CUX1: variants seen among roughly 807,000 people sequenced by gnomAD.
CUX1 encodes protein CASP.
Under a neutral mutation model 158.8 loss-of-function variants are expected in CUX1, and 31 were observed. That is an observed-to-expected ratio of 0.20 (90% CI 0.15 to 0.26). The LOEUF (loss-of-function observed/expected upper bound fraction) is 0.26. CUX1 is among the 10% of genes least tolerant of loss of function. The probability of loss-of-function intolerance (pLI) is 1.00; values close to 1 mark genes in which losing one functional copy is unlikely to be tolerated. For missense variants in CUX1, 1,589 were observed against 2,014.6 expected, an observed-to-expected ratio of 0.79 and a Z score of 4.04; for synonymous variants, 879 against 862.1, an observed-to-expected ratio of 1.02 and a Z score of -0.34.
Position 102,178,577 on chromosome 7 carries a change from C to T in CUX1, c.937C>T (p.Leu313Phe), listed in dbSNP as rs782261753. 4 of 1,612,536 alleles carry T rather than the reference C, an allele frequency of 2.5e-6. No individual in the cohort carries two copies. In the East Asian group the frequency reaches 8.9e-5, roughly 36 times the overall value. The change falls in exon 11 of 24, where the codon CTC (leucine) becomes TTC (phenylalanine). Residue 313 changes from leucine (L) to phenylalanine (F), a missense_variant. Transcript: ENST00000292535. ...VEDVQRLQAS[L>F]TKLRENSASQ... ...GGACGTGCAGAGACTCCAGGCCAGC[C>T]TCACCAAGCTGCGGGAGAATTCGGC...
rs190742823 is a variant in CUX1, at chr7:102,010,276, C to T, written c.142-17822C>T. Among the ~76,000 whole-genome samples the T allele has an allele frequency of 8.8e-4, 134 of 151,810 alleles. 1 individual carries two copies. Among genetic ancestry groups the T allele is most frequent in the African/African-American group, 2.9e-3 (120 of 41,408 alleles). On this transcript the variant is annotated intron_variant, in intron 2 of 23. Transcript: ENST00000292535. ...CAGGCATGGTGGTGAGTGCCTGTAG[C>T]CCCAGCTACTCAGGAGGCTGAAGCA...
intron 1 of CUX1, among the ~76,000 whole-genome samples, chr7:101,873,958 A>T (rs944756501): frequency 1.3e-5 from 2 of 152,250 alleles, no homozygotes; most frequent in Non-Finnish European, 2.9e-5. Context: ...TATCTACAGG[A>T]AAATGAACAC....
intron 8 of CUX1, among the ~76,000 whole-genome samples, chr7:102,140,270 A>G (rs1834300585): frequency 2.0e-5 from 3 of 152,124 alleles, no homozygotes; most frequent in Non-Finnish European, 2.9e-5. Flanking sequence ...TTTTGGAGAC[A>G]GAGTCTTGCT....
At chr7:101,973,385 T>C (rs992533380) in intron 2 of CUX1, among the ~76,000 whole-genome samples, 1 of 152,210 alleles carries the variant, frequency 6.6e-6, no homozygotes, top group Non-Finnish European at 1.5e-5. Flanking sequence ...TTTCCACCAC[T>C]GCCCCCCAGC....
chr7:101,988,950 A>G (rs937231172), intron 2 of CUX1, among the ~76,000 whole-genome samples: 1 of 151,994 alleles, frequency 6.6e-6, no homozygotes, highest in African/African-American at 2.4e-5. Flanking sequence ...AGTAAGCTAT[A>G]ATCGTGCCAT....
intron 2 of CUX1, among the ~76,000 whole-genome samples, chr7:101,981,192 C>G (rs1381769298): frequency 1.3e-5 from 2 of 152,034 alleles, no homozygotes; most frequent in East Asian, 3.9e-4. Flanking sequence ...TGTCCCCGGC[C>G]CCCTCCTCCC....
chr7:101,910,729 C>T (rs1469651553), intron 1 of CUX1, among the ~76,000 whole-genome samples: 1 of 145,824 alleles, frequency 6.9e-6, no homozygotes, highest in Non-Finnish European at 1.5e-5. Flanking sequence ...CCTGGGCGAC[C>T]GAGCAAGACT....
At chr7:101,975,059 C>T (rs981070098) in intron 2 of CUX1, among the ~76,000 whole-genome samples, 3 of 151,764 alleles carry the variant, frequency 2.0e-5, no homozygotes, top group African/African-American at 7.3e-5. Flanking sequence ...ACCAGCCTGG[C>T]CAACATGGCA....
intron 17 of CUX1, among the ~76,000 whole-genome samples, chr7:102,277,549 T>C (rs928539148): frequency 4.6e-5 from 7 of 151,896 alleles, no homozygotes; most frequent in Admixed American, 1.3e-4. Flanking sequence ...TGAGCCGAGA[T>C]TGATTGCGTC....
intron 2 of CUX1, among the ~76,000 whole-genome samples, chr7:101,921,440 TTTTATTTATTTA>T (rs61205066): frequency 3.3e-5 from 5 of 149,994 alleles, no homozygotes; most frequent in African/African-American, 7.4e-5. Flanking sequence ...TTTTATTTTA[TTTTATTTATTTA>T]TTTATTTATT....
chr7:101,901,190 C>T (rs1471507833), intron 1 of CUX1, among the ~76,000 whole-genome samples: 1 of 152,038 alleles, frequency 6.6e-6, no homozygotes, highest in Admixed American at 6.6e-5. Flanking sequence ...CAGTAATGCC[C>T]CTGGGTAGGG....
intron 1 of CUX1, among the ~76,000 whole-genome samples, chr7:101,864,257 C>T (rs1225310977): frequency 6.6e-6 from 1 of 151,516 alleles, no homozygotes; most frequent in Non-Finnish European, 1.5e-5. Flanking sequence ...ACCTCCTAGG[C>T]TCAATCAATC....
chr7:102,103,276 C>T (rs1829976822), intron 5 of CUX1, among the ~76,000 whole-genome samples: 1 of 152,196 alleles, frequency 6.6e-6, no homozygotes, highest in Non-Finnish European at 1.5e-5. Context: ...TGGGTCCCTT[C>T]CAGCCCACTC....
chr7:102,029,367 G>A (rs1474361836), intron 3 of CUX1, among the ~76,000 whole-genome samples: 1 of 152,020 alleles, frequency 6.6e-6, no homozygotes, highest in Non-Finnish European at 1.5e-5. Context: ...ATGGCCGTGA[G>A]ATACAGGAGA....
At chr7:102,179,989 G>T (rs1792851179) in intron 11 of CUX1, among the ~76,000 whole-genome samples, 1 of 152,210 alleles carries the variant, frequency 6.6e-6, no homozygotes, top group African/African-American at 2.4e-5. Flanking sequence ...GTAGTCCTAG[G>T]ATGTACTTAG....
intron 4 of CUX1, among the ~76,000 whole-genome samples, chr7:102,071,030 A>C (rs553696610): frequency 6.6e-6 from 1 of 152,022 alleles, no homozygotes; most frequent in Non-Finnish European, 1.5e-5. Flanking sequence ...ATCTCCGCTC[A>C]CTGCAACCTG....
At position 102,252,077 on chromosome 7, in the gene CUX1, A is replaced by G; in HGVS notation, c.*3035A>G. The G allele has an allele frequency of 1.0e-6, 1 of 985,386 alleles. No individual in the cohort carries two copies. Among genetic ancestry groups the G allele is most frequent in the Non-Finnish European group, 1.2e-6 (1 of 829,916 alleles). The allele number at this position is 985,386 out of a possible 1,614,324, so 61.0% of individuals were successfully genotyped here. A position where few individuals can be genotyped will look rare whatever the true frequency, so the allele number is the denominator to read the frequency against. Reference sequence around the variant, plus strand: ...TGGTGCCAGATACAATCAGTTGGTTAAATTTTGCTTGCAGTTCTGTGTATT... The same window carrying G: ...TGGTGCCAGATACAATCAGTTGGTTGAATTTTGCTTGCAGTTCTGTGTATT... On this transcript the variant is annotated 3_prime_UTR_variant, in exon 24 of 24. Coordinates refer to ENST00000292535, the MANE Select transcript of CUX1 (RefSeq NM_181552.4).
intron 11 of CUX1, among the ~76,000 whole-genome samples, chr7:102,183,387 C>G (rs151335297): frequency 0.017 from 2,572 of 151,998 alleles, 30 homozygotes; most frequent in Middle Eastern, 0.065. Flanking sequence ...ACCTGGGAGG[C>G]TGGGGAGAGA....
intron 2 of CUX1, among the ~76,000 whole-genome samples, chr7:101,992,832 G>A (rs1288251637): frequency 2.1e-5 from 2 of 94,796 alleles, no homozygotes; most frequent in East Asian, 6.7e-4. Flanking sequence ...TTTTTTTATT[G>A]TTGTTCATGG....
Sources: allele counts gnomAD v4.1 joint callset (sites outside exome capture counted in the v4.1 genomes callset), GRCh38; gene constraint gnomAD v4.1.1; transcripts MANE v1.5; gene names NCBI Gene and HGNC (gene_info 2026-07-23, HGNC 2026-07-21).